Variants in HRC observed in about 807,000 individuals in gnomAD.
HRC encodes sarcoplasmic reticulum histidine-rich calcium-binding protein.
HRC carries 41 observed loss-of-function variants against 61.4 expected under a neutral mutation model. The observed-to-expected ratio is 0.67, with a 90% CI of 0.52 to 0.87. The LOEUF is 0.87. Among genes scored for constraint, HRC ranks in the 40% least tolerant of loss-of-function variants. HRC has a pLI of 0.00. For synonymous variants in HRC, 308 were observed against 326.6 expected (o/e 0.94, Z 0.62); for missense variants, 839 against 885.8 (o/e 0.95, Z 0.67).
At position 49,155,070 on chromosome 19, in the gene HRC, C is replaced by T; in HGVS notation, c.168G>A (p.Glu56=). 6.2e-7 allele frequency: 1 copy of T among 1,614,250 alleles called. No homozygotes were observed. The highest frequency in any genetic ancestry group is 8.5e-7 in the Non-Finnish European group (1 of 1,180,054). The change falls in exon 1 of 6, where the codon GAG becomes GAA. Residue 56 remains glutamate, a synonymous_variant. Transcript: ENST00000252825. This position sits in a 1 kb window ranked among gnomAD's most constrained non-coding sequence, Gnocchi z 4.7. ...VAGLSEEASA[E]LRHHLHSPRD... ...TAGGGCTGTGGAGGTGGTGGCGAAG[C>T]TCTGCTGATGCCTCCTCGGAGAGCC...
intron 2 of HRC, 135 bp from the exon 3 acceptor site, chr19:49,152,513 G>GC: frequency 5.0e-6 from 3 of 601,612 alleles, no homozygotes; most frequent in Admixed American, 3.3e-5. Context: ...CTCTGTATCT[G>GC]CCCCCCAAAC....
chr19:49,151,597 G>A (rs779813091), intron 4 of HRC, 44 bp from the exon 5 acceptor site: 4 of 1,567,274 alleles, frequency 2.6e-6, no homozygotes, highest in Non-Finnish European at 1.8e-6. Context: ...TACTGCACGA[G>A]CAAAATTAGG....
chr19:49,152,318 G>T lies in HRC; in HGVS notation c.1963C>A (p.Gln655Lys). 1 of 1,613,048 alleles carries T rather than the reference G, an allele frequency of 6.2e-7. No homozygotes were observed. The highest frequency in any genetic ancestry group is 8.5e-7 in the Non-Finnish European group (1 of 1,179,390). The part of the protein sequence containing the change: ...DEENMGEHCD[Q>K]CQHCQFCYLC... ...GTGAGGTGAGGTCTCACCTGGCACT[G>T]GTCGCAGTGCTCACCCATGTTCTCC... Residue 655 changes from glutamine (Q) to lysine (K), a missense_variant, in exon 3 of 6, where the codon CAG (glutamine) becomes AAG (lysine). Transcript: ENST00000252825.
Position 49,153,474 on chromosome 19 carries a change from G to A in HRC, c.1764C>T (p.Pro588=), listed in dbSNP as rs539739005. The A allele has an allele frequency of 1.5e-5, 24 of 1,595,910 alleles. No homozygotes were observed. Among genetic ancestry groups the A allele is most frequent in the South Asian group, 4.6e-5 (4 of 87,456 alleles). The change falls in exon 1 of 6, where the codon CCC becomes CCT. Residue 588 remains proline, a synonymous_variant. Coordinates refer to ENST00000252825, the MANE Select transcript of HRC (RefSeq NM_002152.3). The surrounding 1 kb of genome is among the most constrained non-coding windows in gnomAD (Gnocchi z 4.8). ...EEDEPRFTII[P]NPLDRREEAG... is the part of the protein sequence containing the mutation. ...CCTCCTCTCTCCTGTCCAGTGGGTTGGGGATGATGGTGAAGCGGGGCTCAT... is the reference window on the plus strand; with the variant it reads ...CCTCCTCTCTCCTGTCCAGTGGGTTAGGGATGATGGTGAAGCGGGGCTCAT...
In HRC at chr19:49,153,549, GCTCAGTGGGGCCCCAAC is replaced by G. The variant is rs1054081548; in HGVS notation, c.1672_1688del (p.Val558ProfsTer18). ...CCTCTTCCTCCTCGCTGTGGTCTGG[GCTCAGTGGGGCCCCAAC>G]CTCAGCCCTCTCTTCCCTCCTCTCC... On this transcript the variant is annotated frameshift_variant, in exon 1 of 6. Transcript: ENST00000252825. LOFTEE classifies it high-confidence loss of function. The surrounding 1 kb of genome is among the most constrained non-coding windows in gnomAD (Gnocchi z 4.8). The G allele has an allele frequency of 1.3e-6, 2 of 1,572,162 alleles. No individual in the cohort carries two copies. Among genetic ancestry groups the G allele is most frequent in the African/African-American group, 2.7e-5 (2 of 73,950 alleles).
rs2041382234 is a variant in HRC at position 49,153,531 on chromosome 19, C to G, written c.1707G>C (p.Glu569Asp). The change falls in exon 1 of 6, where the codon GAG (glutamate) becomes GAC (aspartate). Residue 569 changes from glutamate (E) to aspartate (D), a missense_variant. Physicochemically the swap from Glu to Asp is conservative, Grantham distance 45 (BLOSUM62 2). Coordinates refer to ENST00000252825, the MANE Select transcript of HRC (RefSeq NM_002152.3). This position sits in a 1 kb window ranked among gnomAD's most constrained non-coding sequence, Gnocchi z 4.8. ...GAPLSPDHSE[E>D]EEEEEEGLEE... The stretch of plus-strand genomic sequence containing the variant: ...CCAGCCCCTCCTCCTCCTCCTCTTC[C>G]TCCTCGCTGTGGTCTGGGCTCAGTG... 6.3e-7 allele frequency: 1 copy of G among 1,579,358 alleles called. No homozygotes were observed. Among genetic ancestry groups the G allele is most frequent in the Admixed American group, 1.7e-5 (1 of 57,180 alleles).
intron 4 of HRC, 55 bp from the exon 5 acceptor site, chr19:49,151,608 C>A: frequency 6.6e-7 from 1 of 1,506,398 alleles, no homozygotes; most frequent in East Asian, 2.3e-5. Flanking sequence ...CAAAATTAGG[C>A]AGCCACTCAG....
In HRC at chr19:49,153,996, G is replaced by C. The variant is rs749090019; in HGVS notation, c.1242C>G (p.Val414=). ...GGACTCTGTGGTGGTGATGGTGAGG[G>C]ACTTCTGTTTTATACTCATCTTGGA... ...EDFQDEYKTE[V]PHHHHHRVPR... Residue 414 remains valine, a synonymous_variant, in exon 1 of 6, where the codon GTC becomes GTG. Transcript: ENST00000252825. This position sits in a 1 kb window ranked among gnomAD's most constrained non-coding sequence, Gnocchi z 4.8. The C allele has an allele frequency of 6.6e-5, 107 of 1,613,824 alleles. No homozygotes were observed. Among genetic ancestry groups the C allele is most frequent in the Admixed American group, 1.5e-4 (9 of 59,976 alleles).
chr19:49,151,807 T>C, intron 4 of HRC, 197 bp downstream of exon 4: 2 of 655,468 alleles, frequency 3.1e-6, no homozygotes, highest in Non-Finnish European at 5.3e-6. Flanking sequence ...CTCCACTCAT[T>C]TCTGTCCCTT....
chr19:49,153,998 C>G lies in HRC; in HGVS notation c.1240G>C (p.Val414Leu). 1.2e-6 allele frequency: 2 copies of G among 1,613,586 alleles called. No individual in the cohort carries two copies. The highest frequency in any genetic ancestry group is 1.7e-6 in the Non-Finnish European group (2 of 1,179,924). Reference protein sequence around the residue: ...EDFQDEYKTEVPHHHHHRVPR... With the variant: ...EDFQDEYKTELPHHHHHRVPR... Reference sequence around the variant, plus strand: ...ACTCTGTGGTGGTGATGGTGAGGGACTTCTGTTTTATACTCATCTTGGAAG... The same window carrying G: ...ACTCTGTGGTGGTGATGGTGAGGGAGTTCTGTTTTATACTCATCTTGGAAG... Residue 414 changes from valine to leucine, a missense_variant, in exon 1 of 6, where the codon GTC becomes CTC. Transcript: ENST00000252825. This position sits in a 1 kb window ranked among gnomAD's most constrained non-coding sequence, Gnocchi z 4.8.
chr19:49,151,642 G>C lies in HRC; in HGVS notation c.2027-89C>G, dbSNP rs889850130. ...AGTATAGCGTGCGAGATTAGTGCTA[G>C]CTCCACCTCCTTTTCCCTAATTCCT... On this transcript the variant is annotated intron_variant, in intron 4 of 5. Transcript: ENST00000252825. The C allele has an allele frequency of 5.3e-6, 6 of 1,134,690 alleles. No homozygotes were observed. In the African/African-American group the frequency reaches 6.2e-5, roughly 12 times the overall value. The allele number at this position is 1,134,690 out of a possible 1,614,324, so 70.3% of individuals were successfully genotyped here.
rs1321938579 is a variant in HRC at position 49,153,632 on chromosome 19, C to T, written c.1606G>A (p.Glu536Lys). The change falls in exon 1 of 6, where the codon GAA becomes AAA. Residue 536 changes from glutamate to lysine, a missense_variant. Glu to Lys is a moderately conservative substitution (Grantham distance 56). Coordinates refer to ENST00000252825, the MANE Select transcript of HRC (RefSeq NM_002152.3). The surrounding 1 kb of genome is among the most constrained non-coding windows in gnomAD (Gnocchi z 4.8). The part of the protein sequence containing the change: ...HGLSLNQEEE[E>K]EEDKEEEEEE... ...TCCTCCTCCTCCTTGTCTTCCTCTT[C>T]TTCCTCCTCCTGGTTCAGGCTGAGG... 6.4e-7 allele frequency: 1 copy of T among 1,557,562 alleles called. No homozygotes were observed. Among genetic ancestry groups the T allele is most frequent in the South Asian group, 1.1e-5 (1 of 89,514 alleles).
rs766868813 is a variant in HRC, at chr19:49,154,123, C to T, written c.1115G>A (p.Gly372Asp). Reference sequence around the variant, plus strand: ...TTCTTCCTCTTCCTCATCTACAAGGCCATGGTGGACATGTTGGGGACCCTG... The same window carrying T: ...TTCTTCCTCTTCCTCATCTACAAGGTCATGGTGGACATGTTGGGGACCCTG... ...WHQGPQHVHH[G>D]LVDEEEEEEE... The change falls in exon 1 of 6, where the codon GGC (glycine) becomes GAC (aspartate). Residue 372 changes from glycine (G) to aspartate (D), a missense_variant. By Grantham distance (94) the Gly-to-Asp change is moderately conservative. Coordinates refer to ENST00000252825, the MANE Select transcript of HRC (RefSeq NM_002152.3). The T allele has an allele frequency of 1.2e-6, 2 of 1,614,150 alleles. No individual in the cohort carries two copies. Among genetic ancestry groups the T allele is most frequent in the Non-Finnish European group, 1.7e-6 (2 of 1,180,034 alleles).
chr19:49,155,296 G>A lies in HRC; in HGVS notation c.-59C>T. ...TCTGCGGCAATGTGGACAAACGTTGGGGTCTTTGTCCCTTTGGGGTTGGTC... is the reference window on the plus strand; with the variant it reads ...TCTGCGGCAATGTGGACAAACGTTGAGGTCTTTGTCCCTTTGGGGTTGGTC... On this transcript the variant is annotated 5_prime_UTR_variant, in exon 1 of 6. Coordinates refer to ENST00000252825, the MANE Select transcript of HRC (RefSeq NM_002152.3). The surrounding 1 kb of genome is among the most constrained non-coding windows in gnomAD (Gnocchi z 4.7). 1 of 1,520,620 alleles carries A rather than the reference G, an allele frequency of 6.6e-7. No individual in the cohort carries two copies. Among genetic ancestry groups the A allele is most frequent in the South Asian group, 1.3e-5 (1 of 77,292 alleles). The allele number at this position is 1,520,620 out of a possible 1,614,324, so 94.2% of individuals were successfully genotyped here.
At chr19:49,152,413 C>G (rs1286416441) in intron 2 of HRC, 35 bp from the exon 3 acceptor site, 2 of 1,593,256 alleles carry the variant, frequency 1.3e-6, no homozygotes, top group Non-Finnish European at 1.7e-6. Flanking sequence ...GATGGAAACT[C>G]TAACGCCACT....
Position 49,153,371 on chromosome 19 carries a change from G to C in HRC, c.1831+36C>G, listed in dbSNP as rs758380352. The C allele has an allele frequency of 1.9e-6, 3 of 1,612,182 alleles. No individual in the cohort carries two copies. The highest frequency in any genetic ancestry group is 1.3e-5 in the African/African-American group (1 of 74,834). ...GGGCAGCAGTGACCCAGGCTGACTC[G>C]GTTCCTTCCCACCCACACCAGCCCA... On this transcript the variant is annotated intron_variant, in intron 1 of 5. Coordinates refer to ENST00000252825, the MANE Select transcript of HRC (RefSeq NM_002152.3). This position sits in a 1 kb window ranked among gnomAD's most constrained non-coding sequence, Gnocchi z 4.8.
At position 49,153,729 on chromosome 19, in the gene HRC, C is replaced by T. The variant is rs2041385028; in HGVS notation, c.1509G>A (p.Glu503=). The change falls in exon 1 of 6, where the codon GAG becomes GAA. Residue 503 remains glutamate (E), a synonymous_variant. Coordinates refer to ENST00000252825, the MANE Select transcript of HRC (RefSeq NM_002152.3). This position sits in a 1 kb window ranked among gnomAD's most constrained non-coding sequence, Gnocchi z 4.8. ...GSHEEDDESS[E]QGEKGTHHGS... ...CATGATGGGTGCCTTTCTCTCCCTG[C>T]TCTGAACTTTCATCGTCTTCCTCAT... 1 of 1,614,146 alleles carries T rather than the reference C, an allele frequency of 6.2e-7. No individual in the cohort carries two copies. The highest frequency in any genetic ancestry group is 8.5e-7 in the Non-Finnish European group (1 of 1,180,028).
In HRC at chr19:49,151,991, C is replaced by T. The variant is rs761004852; in HGVS notation, c.2026+13G>A. On this transcript the variant is annotated intron_variant, in intron 4 of 5. Transcript: ENST00000252825. The stretch of plus-strand genomic sequence containing the variant: ...CCTTCCTCAGGTTTTTCCAGGGCCC[C>T]GCCCATGCTCACCTGGAGCGCAGAC... 5 of 1,613,758 alleles carry T rather than the reference C, an allele frequency of 3.1e-6. No individual in the cohort carries two copies. Among genetic ancestry groups the T allele is most frequent in the East Asian group, 2.2e-5 (1 of 44,886 alleles).
chr19:49,151,868 G>T, intron 4 of HRC, 136 bp downstream of exon 4: 1 of 846,566 alleles, frequency 1.2e-6, no homozygotes, highest in Non-Finnish European at 1.9e-6. Context: ...CGGCCCACGT[G>T]CTCAGAGCCT....
Sources: gnomAD v4.1 joint callset for allele counts on GRCh38, gnomAD v4.1.1 for gene constraint, Gnocchi (gnomAD v3.1) non-coding constraint, MANE v1.5 for transcripts, NCBI Gene and HGNC (gene_info 2026-07-23, HGNC 2026-07-21) for gene names.